TOX2: variants seen among roughly 807,000 people sequenced by gnomAD.
TOX2 encodes the protein granulosa cell HMG box 1.
TOX2 carries 15 observed loss-of-function variants against 47.4 expected under a neutral mutation model. The observed-to-expected ratio is 0.32, with a 90% CI of 0.21 to 0.49. The LOEUF is 0.49. Ranked by LOEUF, TOX2 falls within the 20% of genes least tolerant of loss-of-function variation. TOX2 has a pLI of 0.99. For missense variants in TOX2, 622 were observed against 673.1 expected (o/e 0.92, Z 0.84); for synonymous variants, 290 against 296.6 (o/e 0.98, Z 0.23).
At chr20:44,068,460 G>C (rs868734697) in intron 8 of TOX2, among the ~76,000 whole-genome samples, 190 bp from the exon 9 acceptor site, 11 of 151,676 alleles carry the variant, frequency 7.3e-5, no homozygotes, top group Middle Eastern at 3.4e-3. Flanking sequence ...CTGGGTTTCC[G>C]GGAGGGGTTT....
chr20:43,984,379 T>C (rs2070227136), intron 2 of TOX2, among the ~76,000 whole-genome samples: 1 of 152,162 alleles, frequency 6.6e-6, no homozygotes, highest in African/African-American at 2.4e-5. Context: ...ATCCTGTGTA[T>C]ATGGAGAGAA....
intron 1 of TOX2, among the ~76,000 whole-genome samples, chr20:43,943,639 AG>A (rs993720543): frequency 3.1e-4 from 47 of 152,328 alleles, no homozygotes; most frequent in African/African-American, 1.1e-3. Flanking sequence ...GAGGAGGCAG[AG>A]GGAACAACAA....
intron 2 of TOX2, among the ~76,000 whole-genome samples, chr20:43,997,918 GT>G (rs2070507446): frequency 6.6e-6 from 1 of 151,698 alleles, no homozygotes; most frequent in Admixed American, 6.6e-5. Flanking sequence ...CTGCTCGTTT[GT>G]TTTTGTTAAT....
intron 2 of TOX2, among the ~76,000 whole-genome samples, chr20:43,980,659 A>G (rs2070154346): frequency 6.6e-6 from 1 of 152,208 alleles, no homozygotes; most frequent in African/African-American, 2.4e-5. Context: ...TAAAAATAAA[A>G]AATGATTTGA....
In TOX2 at chr20:43,997,635, T is replaced by C. The variant is rs74914879; in HGVS notation, c.166-8912T>C. Among the ~76,000 whole-genome samples the C allele has an allele frequency of 6.3e-3, 956 of 152,326 alleles. 12 individuals carry two copies. Among genetic ancestry groups the C allele is most frequent in the African/African-American group, 0.022 (912 of 41,582 alleles). ...CCTTGTATTTCTTATCTAAAATTTG[T>C]TTTCTATTTTATTTTTCTCCTACAG... On this transcript the variant is annotated intron_variant, in intron 2 of 8. Coordinates refer to ENST00000341197, the MANE Select transcript of TOX2 (RefSeq NM_001098797.2).
In TOX2 at chr20:43,948,690, C is replaced by T. The variant is rs538476886; in HGVS notation, c.100-24677C>T. Among the ~76,000 whole-genome samples, 15 of 152,332 alleles carry T rather than the reference C, an allele frequency of 9.8e-5. No individual in the cohort carries two copies. In the South Asian group the frequency reaches 1.0e-3, roughly 11 times the overall value. On this transcript the variant is annotated intron_variant, in intron 1 of 8. Transcript: ENST00000341197. ...AGGGCTGCCCAGGAGCTGCCATCTC[C>T]GTCTAGCCAGGGGGCCTGGCAGATG...
intron 3 of TOX2, among the ~76,000 whole-genome samples, chr20:44,010,830 A>T (rs1201662258): frequency 1.3e-5 from 2 of 152,144 alleles, no homozygotes; most frequent in East Asian, 3.9e-4. Context: ...GTTCCAAGAG[A>T]TTGCCACCAA....
chr20:43,991,754 C>T (rs756738392), intron 2 of TOX2, among the ~76,000 whole-genome samples: 32 of 151,958 alleles, frequency 2.1e-4, no homozygotes, highest in South Asian at 4.1e-4. Flanking sequence ...AGCAATTCTG[C>T]TGCTTCAGCC....
rs2071891675 is a variant in TOX2 at position 44,069,071 on chromosome 20, G to C, written c.*385G>C. On this transcript the variant is annotated 3_prime_UTR_variant, in exon 9 of 9. Coordinates refer to ENST00000341197, the MANE Select transcript of TOX2 (RefSeq NM_001098797.2). ...ACACCCACCCCAGATGCATGGGCCA[G>C]AGGGCCGGCCCCCGGCATAGATGTG... The C allele has an allele frequency of 2.6e-6, 1 of 391,204 alleles. No homozygotes were observed. The highest frequency in any genetic ancestry group is 4.9e-6 in the Non-Finnish European group (1 of 202,210). 24.2% of individuals were successfully genotyped at this position (391,204 alleles called of 1,614,324 possible).
chr20:43,948,853 G>T (rs1056362216), intron 1 of TOX2, among the ~76,000 whole-genome samples: 10 of 152,256 alleles, frequency 6.6e-5, no homozygotes, highest in African/African-American at 2.2e-4. Context: ...TGGGTGTTGA[G>T]ATGAGCCTGG....
At chr20:44,003,138 A>T (rs1192298723) in intron 2 of TOX2, among the ~76,000 whole-genome samples, 2 of 149,930 alleles carry the variant, frequency 1.3e-5, no homozygotes, top group African/African-American at 4.9e-5. Context: ...GTTGAGTGAG[A>T]TGCATGTTTA....
chr20:44,068,278 C>T (rs1600810289), intron 8 of TOX2, among the ~76,000 whole-genome samples: 2 of 152,068 alleles, frequency 1.3e-5, no homozygotes, highest in Admixed American at 1.3e-4. Flanking sequence ...CCAGCAGGGC[C>T]GTATTTTAAA....
chr20:44,023,135 G>A (rs1008200876), intron 3 of TOX2, among the ~76,000 whole-genome samples: 1 of 151,724 alleles, frequency 6.6e-6, no homozygotes, highest in Non-Finnish European at 1.5e-5. Context: ...AGGAGGGAAA[G>A]ATAGAGGAAG....
rs115367253 is a variant in TOX2 at position 44,018,398 on chromosome 20, T to C, written c.411+11606T>C. Among the ~76,000 whole-genome samples the C allele has an allele frequency of 8.4e-3, 1,282 of 152,230 alleles. 17 individuals carry two copies. Among genetic ancestry groups the C allele is most frequent in the African/African-American group, 0.03 (1,233 of 41,540 alleles). On this transcript the variant is annotated intron_variant, in intron 3 of 8. Coordinates refer to ENST00000341197, the MANE Select transcript of TOX2 (RefSeq NM_001098797.2). Reference sequence around the variant, plus strand: ...CTGCTCCTGAGTCATGAGGGAGAATTAAGGGAAAATCGCAGCGACATTCGT... The same window carrying C: ...CTGCTCCTGAGTCATGAGGGAGAATCAAGGGAAAATCGCAGCGACATTCGT...
intron 3 of TOX2, among the ~76,000 whole-genome samples, chr20:44,022,107 G>A (rs973242894): frequency 6.6e-6 from 1 of 152,242 alleles, no homozygotes; most frequent in African/African-American, 2.4e-5. Flanking sequence ...CGATGACGCT[G>A]GAGACAAAAC....
At chr20:44,024,445 A>AT (rs796489032) in intron 3 of TOX2, among the ~76,000 whole-genome samples, 21 of 151,922 alleles carry the variant, frequency 1.4e-4, no homozygotes, top group African/African-American at 5.1e-4. Flanking sequence ...AGATGTTTAC[A>AT]TTTTTTATTT....
At position 44,048,386 on chromosome 20, in the gene TOX2, ATT is replaced by A. The variant is rs910766825; in HGVS notation, c.412-2918_412-2917del. Among the ~76,000 whole-genome samples, 35 of 91,794 alleles carry A rather than the reference ATT, an allele frequency of 3.8e-4. 1 individual carries two copies. Among genetic ancestry groups the A allele is most frequent in the African/African-American group, 1.5e-3 (33 of 22,064 alleles). The allele number at this position is 91,794 out of a possible 152,430, so 60.2% of individuals were successfully genotyped here. A position where few individuals can be genotyped will look rare whatever the true frequency, so the allele number is the denominator to read the frequency against. ...ACATGTTAGTATCTGGATAAAATGA[ATT>A]TATATATATATATATATATATATAT... On this transcript the variant is annotated intron_variant, in intron 3 of 8. Coordinates refer to ENST00000341197, the MANE Select transcript of TOX2 (RefSeq NM_001098797.2).
intron 1 of TOX2, among the ~76,000 whole-genome samples, chr20:43,938,163 T>C (rs969648724): frequency 6.6e-6 from 1 of 152,168 alleles, no homozygotes; most frequent in African/African-American, 2.4e-5. Context: ...CCAGGACCCA[T>C]GTCAGTGGAA....
At chr20:43,949,025 A>T (rs1321048398) in intron 1 of TOX2, among the ~76,000 whole-genome samples, 2 of 152,118 alleles carry the variant, frequency 1.3e-5, no homozygotes, top group Non-Finnish European at 2.9e-5. Context: ...TTGGTGTAGA[A>T]AGGCAGCTTT....
Sources: gnomAD v4.1 joint callset for allele counts (sites outside exome capture counted in the v4.1 genomes callset) on GRCh38, gnomAD v4.1.1 for gene constraint, MANE v1.5 for transcripts, NCBI Gene and HGNC (gene_info 2026-07-23, HGNC 2026-07-21) for gene names.